Variants in SLIT2 observed in about 807,000 individuals in gnomAD.
SLIT2 encodes slit homolog 2 protein.
A neutral mutation model predicts 185.7 loss-of-function variants in SLIT2; 41 were observed. The observed-to-expected ratio is 0.22, with a 90% CI of 0.17 to 0.29. The LOEUF (loss-of-function observed/expected upper bound fraction) is 0.29, where lower values mean the gene tolerates loss of function less well. Among genes scored for constraint, SLIT2 ranks in the 10% least tolerant of loss-of-function variants. SLIT2 has a pLI of 1.00. For synonymous variants in SLIT2, 693 were observed against 680.2 expected, an observed-to-expected ratio of 1.02 and a Z score of -0.29; for missense variants, 1,571 against 1,909.0, an observed-to-expected ratio of 0.82 and a Z score of 3.30.
chr4:20,554,562 T>C (rs1394870503), intron 26 of SLIT2, among the ~76,000 whole-genome samples: 1 of 152,154 alleles, frequency 6.6e-6, no homozygotes, highest in Non-Finnish European at 1.5e-5. Flanking sequence ...AAAATATGAA[T>C]AATAAGAAAC....
At chr4:20,310,435 G>A (rs1196189918) in intron 4 of SLIT2, among the ~76,000 whole-genome samples, 1 of 152,018 alleles carries the variant, frequency 6.6e-6, no homozygotes, top group African/African-American at 2.4e-5. Context: ...ATCATAACCC[G>A]AGTTTCCTAG....
chr4:20,542,941 A>G (rs1027919644), intron 21 of SLIT2, among the ~76,000 whole-genome samples: 1 of 151,540 alleles, frequency 6.6e-6, no homozygotes, highest in Non-Finnish European at 1.5e-5. Flanking sequence ...AATATAAGGT[A>G]TCTTTCACAT....
intron 4 of SLIT2, among the ~76,000 whole-genome samples, chr4:20,396,950 TATC>T (rs1021765762): frequency 6.6e-6 from 1 of 150,824 alleles, no homozygotes; most frequent in Non-Finnish European, 1.5e-5. Context: ...AATATATGAT[TATC>T]ATTCAATCAA....
intron 4 of SLIT2, among the ~76,000 whole-genome samples, chr4:20,398,270 T>G (rs1726075520): frequency 6.6e-6 from 1 of 151,752 alleles, no homozygotes; most frequent in African/African-American, 2.4e-5. Flanking sequence ...GTTGTATTTG[T>G]TTGGTTTGGT....
At chr4:20,553,158 T>C (rs533334449) in intron 25 of SLIT2, among the ~76,000 whole-genome samples, 3 of 152,292 alleles carry the variant, frequency 2.0e-5, no homozygotes, top group African/African-American at 7.2e-5. Flanking sequence ...TTATGTTCTT[T>C]CTTTGTACTT....
chr4:20,513,866 T>A (rs551320889), intron 11 of SLIT2, among the ~76,000 whole-genome samples: 1 of 152,146 alleles, frequency 6.6e-6, no homozygotes, highest in African/African-American at 2.4e-5. Context: ...AACGGTTAAG[T>A]ACTAAGGACG....
At chr4:20,264,571 G>A (rs1018656211) in intron 3 of SLIT2, among the ~76,000 whole-genome samples, 2 of 151,834 alleles carry the variant, frequency 1.3e-5, no homozygotes, top group Admixed American at 6.6e-5. Flanking sequence ...TCTGCTAAAG[G>A]ACAAGAGTCA....
chr4:20,539,271 T>C (rs761155572), intron 18 of SLIT2, among the ~76,000 whole-genome samples, 170 bp from the exon 19 acceptor site: 26 of 152,228 alleles, frequency 1.7e-4, no homozygotes, highest in Non-Finnish European at 3.4e-4. Context: ...CATTTTATTC[T>C]TGCAAGATAT....
intron 9 of SLIT2, among the ~76,000 whole-genome samples, chr4:20,505,103 A>G (rs1217625032): frequency 2.6e-5 from 4 of 152,114 alleles, no homozygotes; most frequent in South Asian, 2.1e-4. Flanking sequence ...TTGATTGCAT[A>G]TACATATTTT....
At chr4:20,541,703 T>C (rs1205652853) in intron 20 of SLIT2, 84 bp downstream of exon 20, 1 of 1,186,532 alleles carries the variant, frequency 8.4e-7, no homozygotes, top group African/African-American at 1.5e-5. Context: ...ACAGCATAGT[T>C]CAGCTCAGCA....
chr4:20,434,410 C>T (rs1288831819), intron 4 of SLIT2, among the ~76,000 whole-genome samples: 3 of 152,008 alleles, frequency 2.0e-5, no homozygotes, highest in Admixed American at 6.6e-5. Context: ...CACTTGAACC[C>T]GGGAGGCAGA....
At chr4:20,302,940 C>G (rs1333815046) in intron 4 of SLIT2, among the ~76,000 whole-genome samples, 1 of 152,118 alleles carries the variant, frequency 6.6e-6, no homozygotes, top group Non-Finnish European at 1.5e-5. Flanking sequence ...AATCCATTCA[C>G]TGATGAAATC....
At chr4:20,578,472 C>G (rs996648118) in intron 29 of SLIT2, among the ~76,000 whole-genome samples, 1 of 152,116 alleles carries the variant, frequency 6.6e-6, no homozygotes, top group African/African-American at 2.4e-5. Flanking sequence ...TCCTAAATTT[C>G]TCCTTCATTA....
intron 4 of SLIT2, among the ~76,000 whole-genome samples, chr4:20,378,633 A>G (rs1309479196): frequency 1.3e-5 from 2 of 152,132 alleles, no homozygotes; most frequent in Non-Finnish European, 2.9e-5. Context: ...CCATTTGATC[A>G]CCTGTATTTT....
At chr4:20,291,372 T>C (rs944148082) in intron 4 of SLIT2, among the ~76,000 whole-genome samples, 1 of 147,640 alleles carries the variant, frequency 6.8e-6, no homozygotes, top group African/African-American at 2.5e-5. Context: ...AGTATTTGGC[T>C]GAGGAGGAGG....
chr4:20,520,978 A>G (rs1172266972), intron 12 of SLIT2, among the ~76,000 whole-genome samples: 1 of 152,162 alleles, frequency 6.6e-6, no homozygotes, highest in Non-Finnish European at 1.5e-5. Context: ...CACAGCCTAG[A>G]TGTCTGTACC....
At chr4:20,335,612 G>A (rs1052943329) in intron 4 of SLIT2, among the ~76,000 whole-genome samples, 1 of 152,014 alleles carries the variant, frequency 6.6e-6, no homozygotes, top group Non-Finnish European at 1.5e-5. Context: ...CACAATTCAG[G>A]AGTCAAGGAA....
intron 4 of SLIT2, among the ~76,000 whole-genome samples, chr4:20,459,051 A>T (rs942633791): frequency 2.0e-5 from 3 of 152,120 alleles, no homozygotes; most frequent in Non-Finnish European, 4.4e-5. Context: ...CATATTAGAG[A>T]TTATATGAAA....
chr4:20,366,800 A>AT (rs1560357788), intron 4 of SLIT2, among the ~76,000 whole-genome samples: 2 of 151,672 alleles, frequency 1.3e-5, no homozygotes, highest in Admixed American at 6.6e-5. Context: ...AGTTTAGTTT[A>AT]TTTTTTTTAA....
Sources: gnomAD v4.1 joint callset for allele counts (sites outside exome capture counted in the v4.1 genomes callset) on GRCh38, gnomAD v4.1.1 for gene constraint, MANE v1.5 for transcripts, NCBI Gene and HGNC (gene_info 2026-07-23, HGNC 2026-07-21) for gene names.